The following TERB2 variants were observed in gnomAD, a reference collection of about 807,000 sequenced individuals.
The protein encoded by TERB2 is telomere repeat binding bouquet formation protein 2.
In TERB2, 26 loss-of-function variants were observed where a neutral mutation model predicts 29.8. The ratio of observed to expected loss-of-function variants is 0.87; its 90% confidence interval spans 0.64 to 1.21. The LOEUF is 1.21. TERB2 is among the 50% of genes most tolerant of loss of function. The pLI is 0.00. For missense variants in TERB2, 240 were observed against 268.6 expected, an observed-to-expected ratio of 0.89 and a Z score of 0.74; for synonymous variants, 80 against 90.8, an observed-to-expected ratio of 0.88 and a Z score of 0.68.
chr15:44,962,183 CTTTT>C (rs776185424), intron 4 of TERB2, among the ~76,000 whole-genome samples: 1 of 138,212 alleles, frequency 7.2e-6, no homozygotes, highest in Non-Finnish European at 1.6e-5. Flanking sequence ...TTTACCAGTT[CTTTT>C]TTTTTTTTTT....
At chr15:44,960,685 C>G (rs540028431) in intron 3 of TERB2, among the ~76,000 whole-genome samples, 22 of 152,236 alleles carry the variant, frequency 1.4e-4, no homozygotes, top group African/African-American at 5.1e-4. Context: ...ATACTTACAG[C>G]ACCTCTCAAT....
chr15:44,972,584 C>T (rs1891987058), intron 5 of TERB2, among the ~76,000 whole-genome samples: 1 of 149,164 alleles, frequency 6.7e-6, no homozygotes, highest in African/African-American at 2.5e-5. Context: ...GGCGCCATCT[C>T]AGCTCACTGC....
At chr15:44,974,912 T>C (rs947480978) in intron 6 of TERB2, among the ~76,000 whole-genome samples, 1 of 152,150 alleles carries the variant, frequency 6.6e-6, no homozygotes, top group African/African-American at 2.4e-5. Flanking sequence ...CAAACATTTA[T>C]TAATATATTT....
At chr15:44,965,444 A>G (rs1891871300) in intron 4 of TERB2, among the ~76,000 whole-genome samples, 1 of 142,060 alleles carries the variant, frequency 7.0e-6, no homozygotes, top group African/African-American at 2.6e-5. Flanking sequence ...AAATATATAA[A>G]TATATATTTA....
intron 6 of TERB2, among the ~76,000 whole-genome samples, chr15:44,977,632 G>T (rs925268762): frequency 2.6e-5 from 4 of 152,040 alleles, no homozygotes; most frequent in Admixed American, 6.6e-5. Context: ...TATGTGCTTC[G>T]ATTGATAGTT....
At chr15:44,961,762 C>T (rs1238451682) in intron 4 of TERB2, among the ~76,000 whole-genome samples, 178 bp downstream of exon 4, 3 of 152,184 alleles carry the variant, frequency 2.0e-5, no homozygotes, top group African/African-American at 4.8e-5. Flanking sequence ...TGTAGCAACG[C>T]GATCTCGGCT....
rs1198763981 is a variant in TERB2 at position 44,978,843 on chromosome 15, A to G, written c.*215A>G. ...TTAACAACATGTTCAAATATTCTCA[A>G]TGCACAGTTGTTAATGAGTAATTGC... On this transcript the variant is annotated 3_prime_UTR_variant, in exon 7 of 7. Transcript: ENST00000340827. 4.3e-6 allele frequency: 2 copies of G among 467,830 alleles called. No homozygotes were observed. The highest frequency in any genetic ancestry group is 6.5e-6 in the Non-Finnish European group (2 of 308,612). The allele number at this position is 467,830 out of a possible 1,614,324, so 29.0% of individuals were successfully genotyped here.
chr15:44,974,491 C>T (rs923096791), intron 6 of TERB2, among the ~76,000 whole-genome samples: 3 of 152,142 alleles, frequency 2.0e-5, no homozygotes, highest in Non-Finnish European at 4.4e-5. Flanking sequence ...ACATGGATTA[C>T]CCAGATGTCC....
intron 4 of TERB2, among the ~76,000 whole-genome samples, chr15:44,963,887 T>C (rs1203595712): frequency 6.8e-6 from 1 of 146,504 alleles, no homozygotes; most frequent in African/African-American, 2.5e-5. Context: ...TCAAGCTTAC[T>C]GCGACCACCA....
chr15:44,962,186 T>A (rs1300462955), intron 4 of TERB2, among the ~76,000 whole-genome samples: 8 of 149,876 alleles, frequency 5.3e-5, no homozygotes, highest in Non-Finnish European at 1.2e-4. Context: ...ACCAGTTCTT[T>A]TTTTTTTTTT....
At chr15:44,972,153 C>A (rs1312549702) in intron 5 of TERB2, among the ~76,000 whole-genome samples, 1 of 151,848 alleles carries the variant, frequency 6.6e-6, no homozygotes, top group Non-Finnish European at 1.5e-5. Context: ...CCACGCCTGG[C>A]TATTTTTTTG....
intron 4 of TERB2, chr15:44,962,755 A>G (rs1486801959): frequency 1.3e-5 from 2 of 152,176 alleles, no homozygotes; most frequent in African/African-American, 4.8e-5. Context: ...GTAATAGCCA[A>G]ATTTGGGAAC....
intron 5 of TERB2, among the ~76,000 whole-genome samples, chr15:44,969,296 CT>C (rs143794644): frequency 6.6e-6 from 1 of 151,872 alleles, no homozygotes; most frequent in African/African-American, 2.4e-5. Context: ...TTAATAGAAA[CT>C]TTTTTTTGCC....
intron 3 of TERB2, among the ~76,000 whole-genome samples, chr15:44,959,130 A>T (rs1262760516): frequency 3.3e-5 from 5 of 151,980 alleles, no homozygotes; most frequent in Non-Finnish European, 7.4e-5. Context: ...TCTCTTCATT[A>T]TTTTTCTAAT....
intron 5 of TERB2, among the ~76,000 whole-genome samples, chr15:44,967,611 A>G (rs1452690004): frequency 6.6e-6 from 1 of 151,880 alleles, no homozygotes; most frequent in African/African-American, 2.4e-5. Flanking sequence ...AGATACCTTT[A>G]TCAGTGCCTG....
chr15:44,974,082 G>A, intron 6 of TERB2, 127 bp downstream of exon 6: 1 of 980,936 alleles, frequency 1.0e-6, no homozygotes, highest in African/African-American at 1.7e-5. Context: ...TGGTAATGGA[G>A]GACACATCAC....
At position 44,963,804 on chromosome 15, in the gene TERB2, C is replaced by CTTTTTTTTTTT. The variant is rs34438861; in HGVS notation, c.348+2234_348+2244dup. Among the ~76,000 whole-genome samples, 17 of 79,166 alleles carry CTTTTTTTTTTT rather than the reference C, an allele frequency of 2.1e-4. 1 individual carries two copies. Among genetic ancestry groups the CTTTTTTTTTTT allele is most frequent in the African/African-American group, 2.8e-4 (5 of 18,010 alleles). 51.9% of individuals were successfully genotyped at this position (79,166 alleles called of 152,430 possible). Reference sequence around the variant, plus strand: ...GGTATATGGTATTTATTATACTATTCTTTTTTTTTTTTTTTTTTTTTTTTG... The same window carrying CTTTTTTTTTTT: ...GGTATATGGTATTTATTATACTATTCTTTTTTTTTTTTTTTTTTTTTTTTTTTTTTTTTTTG... On this transcript the variant is annotated intron_variant, in intron 4 of 6. Transcript: ENST00000340827.
intron 4 of TERB2, among the ~76,000 whole-genome samples, chr15:44,965,920 T>C (rs1055039807): frequency 6.6e-6 from 1 of 151,974 alleles, no homozygotes; most frequent in African/African-American, 2.4e-5. Flanking sequence ...AGCTGGTATA[T>C]TTAAAATTCT....
At chr15:44,978,316 C>T (rs978605175) in intron 6 of TERB2, among the ~76,000 whole-genome samples, 173 bp from the exon 7 acceptor site, 5 of 152,070 alleles carry the variant, frequency 3.3e-5, no homozygotes, top group African/African-American at 9.7e-5. Flanking sequence ...GAGGTGTTCC[C>T]GGATAATTAT....
Sources: allele counts gnomAD v4.1 joint callset (sites outside exome capture counted in the v4.1 genomes callset), GRCh38; gene constraint gnomAD v4.1.1; transcripts MANE v1.5; gene names NCBI Gene and HGNC (gene_info 2026-07-23, HGNC 2026-07-21).